MXI1: variants seen among roughly 807,000 people sequenced by gnomAD.
The protein encoded by MXI1 is max-interacting protein 1.
In MXI1, 18 loss-of-function variants were observed where a neutral mutation model predicts 36.9. The observed-to-expected ratio is 0.49, with a 90% CI of 0.34 to 0.72. The LOEUF (loss-of-function observed/expected upper bound fraction) is 0.72, where lower values mean the gene tolerates loss of function less well. MXI1 is among the 30% of genes least tolerant of loss of function. The probability of loss-of-function intolerance (pLI) is 0.01; values close to 1 mark genes in which losing one functional copy is unlikely to be tolerated. For synonymous variants in MXI1, 160 were observed against 146.7 expected, an observed-to-expected ratio of 1.09 and a Z score of -0.65; for missense variants, 304 against 379.1, an observed-to-expected ratio of 0.80 and a Z score of 1.64.
At chr10:110,236,095 G>A (rs1855458156) in intron 2 of MXI1, among the ~76,000 whole-genome samples, 1 of 109,154 alleles carries the variant, frequency 9.2e-6, no homozygotes, top group East Asian at 3.2e-4. Context: ...GTTAATTTTT[G>A]TAGAGGGTGT....
chr10:110,227,529 C>G (rs528133883), intron 1 of MXI1: 3 of 966,434 alleles, frequency 3.1e-6, no homozygotes, highest in South Asian at 4.9e-5. Flanking sequence ...TGGAGGGCCC[C>G]GGAGCGGGAG....
intron 3 of MXI1, among the ~76,000 whole-genome samples, chr10:110,255,358 A>C (rs1856248704): frequency 6.6e-6 from 1 of 152,242 alleles, no homozygotes; most frequent in Non-Finnish European, 1.5e-5. Flanking sequence ...GTTACCCAAG[A>C]GCTCTGATGG....
Position 110,256,087 on chromosome 10 carries a change from A to G in MXI1, c.437+11230A>G, listed in dbSNP as rs536169541. On this transcript the variant is annotated intron_variant, in intron 3 of 5. Coordinates refer to ENST00000332674, the MANE Select transcript of MXI1 (RefSeq NM_130439.3). ...TGTATTTTCAACAAATAGAGCGGAC[A>G]CAACTGGATACCTACATACAAAATA... 3.9e-5 allele frequency among the ~76,000 whole-genome samples: 6 copies of G among 152,340 alleles called. 1 individual carries two copies. In the South Asian group the frequency reaches 1.2e-3, roughly 32 times the overall value.
At chr10:110,234,154 T>C (rs755936604) in intron 2 of MXI1, among the ~76,000 whole-genome samples, 20 of 152,220 alleles carry the variant, frequency 1.3e-4, no homozygotes, top group Non-Finnish European at 2.6e-4. Context: ...ATCATTGTTA[T>C]AATCAGGCAG....
chr10:110,265,297 A>G (rs1391913053), intron 3 of MXI1, among the ~76,000 whole-genome samples: 1 of 152,238 alleles, frequency 6.6e-6, no homozygotes, highest in Non-Finnish European at 1.5e-5. Flanking sequence ...TTTAGATGAC[A>G]TAACAAGGAA....
Position 110,209,025 on chromosome 10 carries a change from T to C in MXI1, c.274+943T>C, listed in dbSNP as rs367785040. ...CCGCCCACCCCCAGATTCACGTGGA[T>C]AGTAGTGCGTGGGTGGGGGTGTGCT... is the stretch of plus-strand genomic sequence containing the variant. On this transcript the variant is annotated intron_variant, in intron 1 of 5. Coordinates refer to ENST00000332674, the MANE Select transcript of MXI1 (RefSeq NM_130439.3). Among the ~76,000 whole-genome samples the C allele has an allele frequency of 5.1e-5, 5 of 97,268 alleles. No individual in the cohort carries two copies. In the South Asian group the frequency reaches 1.1e-3, roughly 22 times the overall value. 63.8% of individuals were successfully genotyped at this position (97,268 alleles called of 152,430 possible). A position where few individuals can be genotyped will look rare whatever the true frequency, so the allele number is the denominator to read the frequency against.
rs566316478 is a variant in MXI1, at chr10:110,208,080, A to G, written c.272A>G (p.Lys91Arg). ...SYLEQIEKEN[K>R]KCEHGYASSF... Reference sequence around the variant, plus strand: ...CTGGAGCAGATCGAGAAAGAAAACAAAAGTAAGTTTGGGGGCCCCTGCTCT... The same window carrying G: ...CTGGAGCAGATCGAGAAAGAAAACAGAAGTAAGTTTGGGGGCCCCTGCTCT... The change falls in exon 1 of 6, where the codon AAA becomes AGA. Residue 91 changes from lysine to arginine, a missense_variant and splice_region_variant. Lys to Arg is a conservative substitution (Grantham distance 26). This residue lies in a region of MXI1 where 179 missense variants were observed against 184.8 expected (regional missense o/e 0.97). Coordinates refer to ENST00000332674, the MANE Select transcript of MXI1 (RefSeq NM_130439.3). 1.8e-5 allele frequency: 29 copies of G among 1,587,604 alleles called. No homozygotes were observed. The South Asian group carries it at 2.5e-4, about 14-fold the overall frequency.
intron 1 of MXI1, chr10:110,208,557 C>G (rs1407400737): frequency 6.6e-6 from 1 of 152,452 alleles, no homozygotes; most frequent in Non-Finnish European, 1.5e-5. Flanking sequence ...AGAAAGAAAA[C>G]ACACAGACAC....
At chr10:110,213,422 G>A (rs1854556048) in intron 1 of MXI1, among the ~76,000 whole-genome samples, 1 of 152,172 alleles carries the variant, frequency 6.6e-6, no homozygotes, top group African/African-American at 2.4e-5. Flanking sequence ...TAGGGTATTT[G>A]TCTTTAGTGG....
intron 1 of MXI1, chr10:110,226,323 A>G: frequency 6.9e-7 from 1 of 1,453,326 alleles, no homozygotes; most frequent in Non-Finnish European, 9.1e-7. Flanking sequence ...GAGCGCTACT[A>G]ATCTTTTTCG....
intron 1 of MXI1, among the ~76,000 whole-genome samples, chr10:110,209,903 C>G (rs1301457155): frequency 6.7e-6 from 1 of 149,526 alleles, no homozygotes; most frequent in Non-Finnish European, 1.5e-5. Flanking sequence ...CAGTGTGTGG[C>G]AAACCTGGCT....
chr10:110,255,024 CTT>C (rs1856236363), intron 3 of MXI1, among the ~76,000 whole-genome samples: 1 of 151,998 alleles, frequency 6.6e-6, no homozygotes, highest in African/African-American at 2.4e-5. Context: ...CCATCCAGGA[CTT>C]TCATAGCTAG....
At position 110,228,407 on chromosome 10, in the gene MXI1, T is replaced by C. The variant is rs555706534; in HGVS notation, c.407+86T>C. The C allele has an allele frequency of 1.6e-4, 241 of 1,522,754 alleles. No homozygotes were observed. The African/African-American group carries it at 3.2e-3, about 20-fold the overall frequency. The allele number at this position is 1,522,754 out of a possible 1,614,324, so 94.3% of individuals were successfully genotyped here. On this transcript the variant is annotated intron_variant, in intron 2 of 5. Coordinates refer to ENST00000332674, the MANE Select transcript of MXI1 (RefSeq NM_130439.3). The stretch of plus-strand genomic sequence containing the variant: ...ATCCCAAGTCTGAAGGAGCAGCACT[T>C]GATGGGTTCCTTTACCACTACCCTG...
chr10:110,209,555 C>CT (rs1290142197), intron 1 of MXI1, among the ~76,000 whole-genome samples: 1 of 152,092 alleles, frequency 6.6e-6, no homozygotes, highest in Non-Finnish European at 1.5e-5. Flanking sequence ...GTGGTGCGTT[C>CT]TTTTCTTTCT....
Position 110,284,829 on chromosome 10 carries a change from A to G in MXI1, c.730A>G (p.Ile244Val). ...SDRSDSEREE[I>V]EVDVESTEFS... ...TTTTTTTTTTCCTTTGGCAGAGGAG[A>G]TTGAAGTGGATGTTGAAAGCACAGA... The change falls in exon 6 of 6, where the codon ATT (isoleucine) becomes GTT (valine). Residue 244 changes from isoleucine to valine, a missense_variant. Around this residue, in one of 2 missense-constraint regions of MXI1, gnomAD observed 125 missense variants for 194.3 expected, o/e 0.64. Transcript: ENST00000332674. The G allele has an allele frequency of 6.3e-7, 1 of 1,595,096 alleles. No individual in the cohort carries two copies. Among genetic ancestry groups the G allele is most frequent in the African/African-American group, 1.4e-5 (1 of 72,576 alleles).
intron 1 of MXI1, among the ~76,000 whole-genome samples, chr10:110,209,959 A>G (rs1021114254): frequency 8.0e-6 from 1 of 125,644 alleles, no homozygotes; most frequent in Admixed American, 8.8e-5. Context: ...AGGTGTATGG[A>G]GGAGGCGGTC....
intron 3 of MXI1, among the ~76,000 whole-genome samples, chr10:110,268,445 G>A (rs1856753595): frequency 6.6e-6 from 1 of 152,150 alleles, no homozygotes; most frequent in Non-Finnish European, 1.5e-5. Context: ...ACAGTGTAAT[G>A]TTGCAACCCA....
intron 3 of MXI1, among the ~76,000 whole-genome samples, chr10:110,275,545 C>A (rs997908846): frequency 6.6e-6 from 1 of 152,152 alleles, no homozygotes; most frequent in African/African-American, 2.4e-5. Flanking sequence ...TAACTCTTTC[C>A]AGTTTACAGT....
chr10:110,241,207 A>G (rs1257186830), intron 2 of MXI1, among the ~76,000 whole-genome samples: 2 of 152,000 alleles, frequency 1.3e-5, no homozygotes, highest in Admixed American at 6.6e-5. Context: ...CTGTGATTCA[A>G]TGATAAAATG....
Sources: gnomAD v4.1 joint callset for allele counts (sites outside exome capture counted in the v4.1 genomes callset) on GRCh38, gnomAD v4.1.1 for gene constraint, gnomAD v4.1.1 regional missense constraint, MANE v1.5 for transcripts, NCBI Gene and HGNC (gene_info 2026-07-23, HGNC 2026-07-21) for gene names.